KYAT1: variants seen among roughly 807,000 people sequenced by gnomAD.
The protein encoded by KYAT1 is kynurenine--oxoglutarate transaminase 1.
In KYAT1, 47 loss-of-function variants were observed where a neutral mutation model predicts 52.4. The observed-to-expected ratio is 0.90, with a 90% CI of 0.71 to 1.14. KYAT1 has a LOEUF of 1.14. Ranked by LOEUF, KYAT1 falls within the 50% of genes most tolerant of loss-of-function variation. The probability of loss-of-function intolerance (pLI) is 0.00; values close to 1 mark genes in which losing one functional copy is unlikely to be tolerated. For missense variants in KYAT1, 480 were observed against 557.9 expected, an observed-to-expected ratio of 0.86 and a Z score of 1.41; for synonymous variants, 212 against 209.6, an observed-to-expected ratio of 1.01 and a Z score of -0.10.
At chr9:128,873,385 G>C (rs1837519883) in intron 1 of KYAT1, among the ~76,000 whole-genome samples, 1 of 148,688 alleles carries the variant, frequency 6.7e-6, no homozygotes, top group Non-Finnish European at 1.5e-5. Flanking sequence ...AAACTAATAA[G>C]AACTTAGTAC....
intron 3 of KYAT1, among the ~76,000 whole-genome samples, chr9:128,839,992 G>T (rs907512323): frequency 6.6e-6 from 1 of 152,162 alleles, no homozygotes; most frequent in African/African-American, 2.4e-5. Flanking sequence ...AGGAGATCAA[G>T]GCTGAAGTGA....
At chr9:128,879,841 T>G (rs1184184941) in intron 1 of KYAT1, among the ~76,000 whole-genome samples, 1 of 152,106 alleles carries the variant, frequency 6.6e-6, no homozygotes, top group African/African-American at 2.4e-5. Flanking sequence ...GGCGCTCAAC[T>G]CCAAGGACAG....
rs758504937 is a variant in KYAT1, at chr9:128,845,423, C to G, written c.-6-12G>C. 5.6e-6 allele frequency: 9 copies of G among 1,613,432 alleles called. No homozygotes were observed. In the Admixed American group the frequency reaches 1.2e-4, roughly 21 times the overall value. On this transcript the variant is annotated splice_polypyrimidine_tract_variant and intron_variant, in intron 1 of 12. Coordinates refer to ENST00000302586, the MANE Select transcript of KYAT1 (RefSeq NM_004059.5). ...TTGGCCATGGCGAGCTGGAGACGAA[C>G]AAGTGGAAGGTCAGAGATGGAATCT... is the stretch of plus-strand genomic sequence containing the variant.
intron 1 of KYAT1, among the ~76,000 whole-genome samples, chr9:128,850,480 A>T (rs1024845001): frequency 6.6e-6 from 1 of 152,220 alleles, no homozygotes; most frequent in African/African-American, 2.4e-5. Flanking sequence ...TACAAGCAGT[A>T]TGCTTGGTAA....
chr9:128,853,951 C>A (rs1330782601), intron 1 of KYAT1, among the ~76,000 whole-genome samples: 1 of 152,220 alleles, frequency 6.6e-6, no homozygotes, highest in East Asian at 1.9e-4. Flanking sequence ...ACAGTTGATA[C>A]TTATTCACAT....
At chr9:128,835,975 C>G in intron 8 of KYAT1, 22 bp downstream of exon 8, 2 of 1,598,504 alleles carry the variant, frequency 1.3e-6, no homozygotes, top group Non-Finnish European at 1.7e-6. Context: ...GGGGTGGTGA[C>G]CTCCCACCCT....
intron 1 of KYAT1, among the ~76,000 whole-genome samples, chr9:128,878,846 A>G (rs1237544643): frequency 6.6e-6 from 1 of 152,120 alleles, no homozygotes; most frequent in African/African-American, 2.4e-5. Flanking sequence ...AGGAACACAC[A>G]ACAGATAGGC....
intron 1 of KYAT1, among the ~76,000 whole-genome samples, chr9:128,866,249 A>G (rs1406674638): frequency 1.3e-5 from 2 of 152,206 alleles, no homozygotes; most frequent in Non-Finnish European, 2.9e-5. Context: ...ATCGACAACA[A>G]AAGACCAGCA....
chr9:128,847,470 T>C lies in KYAT1; in HGVS notation c.-6-2059A>G, dbSNP rs187270202. On this transcript the variant is annotated intron_variant, in intron 1 of 12. Coordinates refer to ENST00000302586, the MANE Select transcript of KYAT1 (RefSeq NM_004059.5). ...GAACCAAGTGAGTGGGGCTCCAGCC[T>C]TCCTTCCCTGAAGGGGCCCCACCAG... 6.5e-6 allele frequency: 10 copies of C among 1,535,976 alleles called. No homozygotes were observed. The East Asian group carries it at 1.7e-4, about 26-fold the overall frequency.
intron 1 of KYAT1, among the ~76,000 whole-genome samples, chr9:128,854,197 C>T (rs1156506504): frequency 6.6e-6 from 1 of 152,128 alleles, no homozygotes; most frequent in African/African-American, 2.4e-5. Context: ...ACACTCAAAG[C>T]TCAATTGGTT....
At chr9:128,865,329 A>ACG (rs1385608998) in intron 1 of KYAT1, among the ~76,000 whole-genome samples, 1 of 1,962 alleles carries the variant, frequency 5.1e-4, no homozygotes, top group African/African-American at 1.5e-3. Flanking sequence ...ATATATATAT[A>ACG]TATATATATA....
rs546406284 is a variant in KYAT1 at position 128,868,246 on chromosome 9, G to A, written c.-7+13651C>T. ...GGCTGCAGTGCAATGGCACGATCTT[G>A]ATTCACTGCAGCCTCTGCCGATTCT... On this transcript the variant is annotated intron_variant, in intron 1 of 12. Coordinates refer to ENST00000302586, the MANE Select transcript of KYAT1 (RefSeq NM_004059.5). Among the ~76,000 whole-genome samples, 8 of 150,756 alleles carry A rather than the reference G, an allele frequency of 5.3e-5. No individual in the cohort carries two copies. In the East Asian group the frequency reaches 1.6e-3, roughly 30 times the overall value.
At chr9:128,836,109 G>A (rs763139363) in intron 7 of KYAT1, 36 bp from the exon 8 acceptor site, 2 of 1,602,610 alleles carry the variant, frequency 1.2e-6, no homozygotes, top group East Asian at 4.5e-5. Context: ...GCTGAGACTG[G>A]GGTGAGGGGG....
chr9:128,857,345 T>C (rs553866869), intron 1 of KYAT1, among the ~76,000 whole-genome samples: 17 of 152,226 alleles, frequency 1.1e-4, no homozygotes, highest in Non-Finnish European at 2.1e-4. Context: ...CTTGCCAGTC[T>C]CCTGGGCCCA....
At chr9:128,870,036 C>G (rs60239222) in intron 1 of KYAT1, among the ~76,000 whole-genome samples, 5 of 151,918 alleles carry the variant, frequency 3.3e-5, no homozygotes, top group Non-Finnish European at 5.9e-5. Context: ...TTACCCGGGC[C>G]CGGCAGATAA....
intron 1 of KYAT1, among the ~76,000 whole-genome samples, chr9:128,879,038 C>T (rs1241676028): frequency 3.9e-5 from 6 of 152,156 alleles, no homozygotes; most frequent in Admixed American, 6.6e-5. Flanking sequence ...AGGCCGGGCG[C>T]GGTGGCTCAC....
At position 128,851,382 on chromosome 9, in the gene KYAT1, A is replaced by G. The variant is rs138025278; in HGVS notation, c.-6-5971T>C. 3.1e-3 allele frequency among the ~76,000 whole-genome samples: 476 copies of G among 152,306 alleles called. 1 individual carries two copies. The highest frequency in any genetic ancestry group is 9.7e-3 in the African/African-American group (403 of 41,570). On this transcript the variant is annotated intron_variant, in intron 1 of 12. Coordinates refer to ENST00000302586, the MANE Select transcript of KYAT1 (RefSeq NM_004059.5). The stretch of plus-strand genomic sequence containing the variant: ...GCGCTCGGAGGAATCCAGGGTAACA[A>G]TGGGGCAAACTGAAAGTAAATATGC...
Position 128,833,355 on chromosome 9 carries a change from G to C in KYAT1, c.*229C>G. 1.6e-6 allele frequency: 1 copy of C among 607,186 alleles called. No individual in the cohort carries two copies. The highest frequency in any genetic ancestry group is 2.8e-5 in the East Asian group (1 of 36,260). 37.6% of individuals were successfully genotyped at this position (607,186 alleles called of 1,614,324 possible). ...ACCCTACAAACCCACCTATGGAGGG[G>C]CAGGGAGAGGCCCAGGTCAGGCCAC... On this transcript the variant is annotated 3_prime_UTR_variant, in exon 13 of 13. Coordinates refer to ENST00000302586, the MANE Select transcript of KYAT1 (RefSeq NM_004059.5).
chr9:128,841,578 C>A (rs1414740484), intron 3 of KYAT1, among the ~76,000 whole-genome samples: 1 of 151,590 alleles, frequency 6.6e-6, no homozygotes, highest in East Asian at 1.9e-4. Flanking sequence ...CCCCTATAGT[C>A]CCAGCTACTC....
Sources: gnomAD v4.1 joint callset for allele counts (sites outside exome capture counted in the v4.1 genomes callset) on GRCh38, gnomAD v4.1.1 for gene constraint, MANE v1.5 for transcripts, NCBI Gene and HGNC (gene_info 2026-07-23, HGNC 2026-07-21) for gene names.